Variants in ACIN1 observed in about 807,000 individuals in gnomAD.
The protein encoded by ACIN1 is apoptotic chromatin condensation inducer in the nucleus.
A neutral mutation model predicts 146.6 loss-of-function variants in ACIN1; 16 were observed. That is an observed-to-expected ratio of 0.11 (90% confidence interval 0.07 to 0.17). ACIN1 has a LOEUF of 0.17. Ranked by LOEUF, ACIN1 falls within the 10% of genes least tolerant of loss-of-function variation. The pLI is 1.00. For synonymous variants in ACIN1, 569 were observed against 582.7 expected, an observed-to-expected ratio of 0.98 and a Z score of 0.34; for missense variants, 1,357 against 1,609.3, an observed-to-expected ratio of 0.84 and a Z score of 2.68.
At chr14:23,071,701 G>A (rs1481855012) in intron 8 of ACIN1, 3 of 781,714 alleles carry the variant, frequency 3.8e-6, no homozygotes, top group African/African-American at 1.8e-5. Context: ...GGCTCCAGAG[G>A]CCTGGCCTTC....
rs1357368162 is a variant in ACIN1, at chr14:23,068,948, CAGGTAACTGAG to C, written c.2265+517_2265+527del. ...GCCAAAAAAGGAGGTAGAGGGGTCA[CAGGTAACTGAG>C]AATGGGCCTTCCGGATCACAAGTGC... On this transcript the variant is annotated intron_variant, in intron 9 of 18. Coordinates refer to ENST00000605057, the MANE Select transcript of ACIN1 (RefSeq NM_001386863.1). This position sits in a 1 kb window ranked among gnomAD's most constrained non-coding sequence, Gnocchi z 4.3. 1 of 985,544 alleles carries C rather than the reference CAGGTAACTGAG, an allele frequency of 1.0e-6. No homozygotes were observed. Among genetic ancestry groups the C allele is most frequent in the Admixed American group, 6.1e-5 (1 of 16,288 alleles). 61.0% of individuals were successfully genotyped at this position (985,544 alleles called of 1,614,324 possible).
intron 4 of ACIN1, among the ~76,000 whole-genome samples, chr14:23,086,302 G>C (rs2048089300): frequency 6.6e-6 from 1 of 152,212 alleles, no homozygotes; most frequent in Admixed American, 6.5e-5. Context: ...CTTTGTTAAA[G>C]AATCAATATT....
intron 4 of ACIN1, among the ~76,000 whole-genome samples, chr14:23,082,912 G>C (rs1184428666): frequency 6.6e-6 from 1 of 150,516 alleles, no homozygotes; most frequent in African/African-American, 2.5e-5. Context: ...GCTAATTTCG[G>C]TATTTTTTAC....
At chr14:23,062,081 T>G in intron 16 of ACIN1, 87 bp downstream of exon 16, 2 of 1,073,942 alleles carry the variant, frequency 1.9e-6, no homozygotes, top group Non-Finnish European at 2.9e-6. Context: ...GCTCAGAGAC[T>G]GCAGGTCTGG....
intron 8 of ACIN1, among the ~76,000 whole-genome samples, chr14:23,070,472 C>T (rs949756734): frequency 1.3e-5 from 2 of 152,124 alleles, no homozygotes; most frequent in African/African-American, 4.8e-5. Flanking sequence ...CTCCCCCACA[C>T]AGGCAGCTTC....
At chr14:23,076,948 T>C (rs1239906761) in intron 8 of ACIN1, among the ~76,000 whole-genome samples, 1 of 152,146 alleles carries the variant, frequency 6.6e-6, no homozygotes, top group African/African-American at 2.4e-5. Context: ...AGCGTACCCA[T>C]TCCAGAAGGG....
chr14:23,067,826 T>C lies in ACIN1; in HGVS notation c.2265+1650A>G, dbSNP rs1051205180. ...GCCTGTAACTGGGGAGGGGGTCCTC[T>C]CACCGAGTGGGATCATGGAGCCTCT... On this transcript the variant is annotated intron_variant, in intron 9 of 18. Coordinates refer to ENST00000605057, the MANE Select transcript of ACIN1 (RefSeq NM_001386863.1). This position sits in a 1 kb window ranked among gnomAD's most constrained non-coding sequence, Gnocchi z 4.6. The C allele has an allele frequency of 4.1e-6, 4 of 985,752 alleles. No homozygotes were observed. Among genetic ancestry groups the C allele is most frequent in the African/African-American group, 1.7e-5 (1 of 57,212 alleles). The allele number at this position is 985,752 out of a possible 1,614,324, so 61.1% of individuals were successfully genotyped here.
At position 23,059,237 on chromosome 14, in the gene ACIN1, C is replaced by T; in HGVS notation, c.3763G>A (p.Gly1255Ser). 1 of 1,613,980 alleles carries T rather than the reference C, an allele frequency of 6.2e-7. No homozygotes were observed. The highest frequency in any genetic ancestry group is 1.1e-5 in the South Asian group (1 of 91,070). ...GTGTCCCTGCGATCCCTTTCCCTGCCTCGTTCTCGGTCCCTTTCCCTATCC... is the reference window on the plus strand; with the variant it reads ...GTGTCCCTGCGATCCCTTTCCCTGCTTCGTTCTCGGTCCCTTTCCCTATCC... Reference protein sequence around the residue: ...DRDRERDRERGRERDRRDTKR... With the variant: ...DRDRERDRERSRERDRRDTKR... Residue 1255 changes from glycine (G) to serine (S), a missense_variant, in exon 19 of 19, where the codon GGC (glycine) becomes AGC (serine). By Grantham distance (56) the Gly-to-Ser change is moderately conservative (BLOSUM62 0). Around this residue, in one of 4 missense-constraint regions of ACIN1, gnomAD observed 509 missense variants for 719.6 expected, o/e 0.71. Transcript: ENST00000605057.
In ACIN1 at chr14:23,063,584, A is replaced by C. The variant is rs2047355065; in HGVS notation, c.2596-7T>G. On this transcript the variant is annotated splice_polypyrimidine_tract_variant and splice_region_variant and intron_variant, in intron 12 of 18. Transcript: ENST00000605057. Reference sequence around the variant, plus strand: ...GGCCCTCTGCAGGTACTACCTATCAAGGTGTCAGAGAACACAGCAGGTCTG... The same window carrying C: ...GGCCCTCTGCAGGTACTACCTATCACGGTGTCAGAGAACACAGCAGGTCTG... The C allele has an allele frequency of 1.2e-6, 2 of 1,613,890 alleles. No homozygotes were observed. The highest frequency in any genetic ancestry group is 2.2e-5 in the East Asian group (1 of 44,894).
intron 8 of ACIN1, chr14:23,071,517 G>A (rs928666293): frequency 1.3e-6 from 2 of 1,551,572 alleles, no homozygotes; most frequent in African/African-American, 1.4e-5. Flanking sequence ...TGTATTGGCG[G>A]AGCGGCAGCG....
upstream of ACIN1, chr14:23,095,456 A>G (rs1312417394): frequency 1.0e-5 from 10 of 972,038 alleles, no homozygotes; most frequent in Non-Finnish European, 1.5e-5. Context: ...CCTAGAGATG[A>G]GGCGCTGGGG....
In ACIN1 at chr14:23,061,571, C is replaced by T. The variant is rs1256414640; in HGVS notation, c.3151G>A (p.Glu1051Lys). The change falls in exon 17 of 19, where the codon GAG becomes AAG. Residue 1051 changes from glutamate to lysine, a missense_variant. Around this residue, in one of 4 missense-constraint regions of ACIN1, gnomAD observed 509 missense variants for 719.6 expected, o/e 0.71. Transcript: ENST00000605057. The stretch of plus-strand genomic sequence containing the variant: ...AGGGGCCGTGGTATTCCCTGCTCCT[C>T]TGTCTTAGTTTCAGAGGGACGGTCC... ...LVDRPSETKT[E>K]EQGIPRPLHP... 2 of 1,568,424 alleles carry T rather than the reference C, an allele frequency of 1.3e-6. No individual in the cohort carries two copies. Among genetic ancestry groups the T allele is most frequent in the African/African-American group, 2.7e-5 (2 of 73,834 alleles).
chr14:23,063,997 GCA>G (rs1162995764), intron 12 of ACIN1, 106 bp downstream of exon 12: 1 of 1,469,812 alleles, frequency 6.8e-7, no homozygotes, highest in Non-Finnish European at 9.3e-7. Context: ...CCAACCCTCT[GCA>G]CAGACAGGGA....
intron 9 of ACIN1, 131 bp from the exon 10 acceptor site, chr14:23,066,139 G>T: frequency 1.5e-6 from 1 of 679,038 alleles, no homozygotes. Context: ...GAGAGACAGA[G>T]AGAGACACAG....
At chr14:23,073,405 C>A (rs979347797) in intron 8 of ACIN1, among the ~76,000 whole-genome samples, 1 of 152,168 alleles carries the variant, frequency 6.6e-6, no homozygotes, top group Admixed American at 6.5e-5. Flanking sequence ...TTTGGCTGGG[C>A]ATGGTGGCTC....
Position 23,059,079 on chromosome 14 carries a change from CCTATCCCT to C in ACIN1, c.*61_*68del. On this transcript the variant is annotated 3_prime_UTR_variant, in exon 19 of 19. Coordinates refer to ENST00000605057, the MANE Select transcript of ACIN1 (RefSeq NM_001386863.1). ...TGGCTCCAGGGTGGTGGAGACTGTG[CCTATCCCT>C]CTGTGGCCATAACCCCCTGGGGCCG... The C allele has an allele frequency of 1.4e-6, 2 of 1,469,564 alleles. No homozygotes were observed. Among genetic ancestry groups the C allele is most frequent in the East Asian group, 2.3e-5 (1 of 44,076 alleles). The allele number at this position is 1,469,564 out of a possible 1,614,324, so 91.0% of individuals were successfully genotyped here. A position where few individuals can be genotyped will look rare whatever the true frequency, so the allele number is the denominator to read the frequency against.
intron 7 of ACIN1, 92 bp from the exon 8 acceptor site, chr14:23,078,358 G>T: frequency 2.0e-6 from 2 of 1,019,590 alleles, no homozygotes; most frequent in Non-Finnish European, 1.5e-6. Flanking sequence ...GGCAGGGCAG[G>T]ACATACACAG....
chr14:23,084,442 T>C lies in ACIN1; in HGVS notation c.437-2606A>G, dbSNP rs117532100. The stretch of plus-strand genomic sequence containing the variant: ...CAATTAGGTAAAACCTCATCTCTAC[T>C]AAAAATACAAAAAAAATTTTAGCTG... On this transcript the variant is annotated intron_variant, in intron 4 of 18. Transcript: ENST00000605057. Among the ~76,000 whole-genome samples the C allele has an allele frequency of 3.8e-4, 58 of 152,046 alleles. 3 individuals are homozygous for C. In the East Asian group the frequency reaches 0.011, roughly 30 times the overall value.
intron 12 of ACIN1, 57 bp downstream of exon 12, chr14:23,064,048 C>A: frequency 6.3e-7 from 1 of 1,599,994 alleles, no homozygotes; most frequent in Non-Finnish European, 8.5e-7. Context: ...CCTCAGCTAG[C>A]TGCTCTGCAT....
Sources: gnomAD v4.1 joint callset for allele counts (sites outside exome capture counted in the v4.1 genomes callset) on GRCh38, gnomAD v4.1.1 for gene constraint, gnomAD v4.1.1 regional missense constraint, Gnocchi (gnomAD v3.1) non-coding constraint, MANE v1.5 for transcripts, NCBI Gene and HGNC (gene_info 2026-07-23, HGNC 2026-07-21) for gene names.